PDE10A: variants seen among roughly 807,000 people sequenced by gnomAD.
PDE10A encodes phosphodiesterase 10A, also known as cAMP and cAMP-inhibited cGMP 3',5'-cyclic phosphodiesterase 10A.
A neutral mutation model predicts 97.7 loss-of-function variants in PDE10A; 39 were observed. The observed-to-expected ratio is 0.40, with a 90% confidence interval of 0.31 to 0.52. The LOEUF (loss-of-function observed/expected upper bound fraction) is 0.52. Among genes scored for constraint, PDE10A ranks in the 20% least tolerant of loss-of-function variants. The pLI, the probability that PDE10A is intolerant of heterozygous loss-of-function variation, is 0.56. For missense variants in PDE10A, 731 were observed against 1,047.8 expected, an observed-to-expected ratio of 0.70 and a Z score of 4.17; for synonymous variants, 371 against 376.8, an observed-to-expected ratio of 0.98 and a Z score of 0.18.
At chr6:165,520,487 AG>A (rs921638126) in intron 2 of PDE10A, among the ~76,000 whole-genome samples, 2 of 152,110 alleles carry the variant, frequency 1.3e-5, no homozygotes, top group Admixed American at 1.3e-4. Context: ...ATGATGAAGG[AG>A]AGGGATGGGC....
intron 1 of PDE10A, among the ~76,000 whole-genome samples, chr6:165,719,324 G>T (rs1047145296): frequency 2.0e-5 from 3 of 152,112 alleles, no homozygotes; most frequent in African/African-American, 7.2e-5. Flanking sequence ...TTATCGGCAG[G>T]GATCCAAAAC....
chr6:165,431,048 T>A (rs1437278931), intron 8 of PDE10A, among the ~76,000 whole-genome samples: 1 of 152,138 alleles, frequency 6.6e-6, no homozygotes, highest in African/African-American at 2.4e-5. Flanking sequence ...ATAGATCACT[T>A]AGAGGAAAAT....
At chr6:165,637,754 C>T (rs1409687219) in intron 1 of PDE10A, among the ~76,000 whole-genome samples, 1 of 152,144 alleles carries the variant, frequency 6.6e-6, no homozygotes, top group African/African-American at 2.4e-5. Context: ...ACAGGCGGGG[C>T]GCGTCCTCCC....
intron 1 of PDE10A, among the ~76,000 whole-genome samples, chr6:165,751,888 C>T (rs1229258228): frequency 1.3e-5 from 2 of 151,794 alleles, no homozygotes; most frequent in African/African-American, 2.4e-5. Flanking sequence ...GCCTGTAATC[C>T]CAGCACTTTG....
chr6:165,793,987 C>CA (rs1217298118), intron 1 of PDE10A, among the ~76,000 whole-genome samples: 1 of 152,080 alleles, frequency 6.6e-6, no homozygotes, highest in African/African-American at 2.4e-5. Context: ...ACCAGCCTCA[C>CA]AAAAATTAAT....
chr6:165,820,972 C>T (rs1213967716), intron 1 of PDE10A, among the ~76,000 whole-genome samples: 1 of 152,220 alleles, frequency 6.6e-6, no homozygotes, highest in Admixed American at 6.5e-5. Flanking sequence ...ATTTATAACC[C>T]ATCTTACAAA....
chr6:165,331,405 T>A lies in PDE10A; in HGVS notation c.*1620A>T, dbSNP rs1449046618. ...TTTTAAAATAAGAACAATGTTTATGTAGAGCCAACTTTGCTACAACATAAA... is the reference window on the plus strand; with the variant it reads ...TTTTAAAATAAGAACAATGTTTATGAAGAGCCAACTTTGCTACAACATAAA... On this transcript the variant is annotated 3_prime_UTR_variant, in exon 22 of 22. Transcript: ENST00000539869. 2 of 152,246 alleles carry A rather than the reference T, an allele frequency of 1.3e-5. No individual in the cohort carries two copies. Among genetic ancestry groups the A allele is most frequent in the Non-Finnish European group, 2.9e-5 (2 of 68,036 alleles). 9.4% of individuals were successfully genotyped at this position (152,246 alleles called of 1,614,324 possible).
chr6:165,513,308 A>C (rs1411465165), intron 2 of PDE10A, among the ~76,000 whole-genome samples: 2 of 152,102 alleles, frequency 1.3e-5, no homozygotes, highest in African/African-American at 2.4e-5. Context: ...CTTTCCAAAA[A>C]TCAGTTGTTT....
chr6:165,942,729 T>A (rs1783572132), intron 1 of PDE10A, among the ~76,000 whole-genome samples: 1 of 152,164 alleles, frequency 6.6e-6, no homozygotes, highest in Admixed American at 6.5e-5. Context: ...CCAACCTACA[T>A]AAAGTGCTTT....
intron 3 of PDE10A, among the ~76,000 whole-genome samples, chr6:165,479,295 G>A (rs1388801635): frequency 1.3e-5 from 2 of 152,030 alleles, no homozygotes; most frequent in Admixed American, 6.6e-5. Flanking sequence ...CACTCTTACT[G>A]TGTATACTCT....
At chr6:165,919,090 C>T (rs942966063) in intron 1 of PDE10A, among the ~76,000 whole-genome samples, 1 of 152,190 alleles carries the variant, frequency 6.6e-6, no homozygotes, top group African/African-American at 2.4e-5. Context: ...TCCACACTTA[C>T]CCATGTAATT....
rs180909266 is a variant in PDE10A at position 165,538,840 on chromosome 6, A to T, written c.994+4600T>A. On this transcript the variant is annotated intron_variant, in intron 2 of 21. Transcript: ENST00000539869. ...TATTTAATAATATATACTTTGTACA[A>T]ATACAGACGTGTAAATGTTAAATCA... Among the ~76,000 whole-genome samples the T allele has an allele frequency of 1.2e-3, 183 of 152,302 alleles. 2 individuals are homozygous for T. The highest frequency in any genetic ancestry group is 2.9e-3 in the Admixed American group (45 of 15,296).
At chr6:165,801,862 A>G (rs1778995869) in intron 1 of PDE10A, among the ~76,000 whole-genome samples, 1 of 152,186 alleles carries the variant, frequency 6.6e-6, no homozygotes, top group East Asian at 1.9e-4. Flanking sequence ...CCTACCAATG[A>G]CTGCATGAAA....
At chr6:165,791,642 C>T (rs939553296) in intron 1 of PDE10A, among the ~76,000 whole-genome samples, 5 of 152,180 alleles carry the variant, frequency 3.3e-5, no homozygotes, top group Admixed American at 2.0e-4. Context: ...CGGCTCGTTT[C>T]TAGGGAAGGA....
chr6:165,461,841 T>C (rs1484660793), intron 3 of PDE10A, among the ~76,000 whole-genome samples: 1 of 152,244 alleles, frequency 6.6e-6, no homozygotes, highest in East Asian at 1.9e-4. Flanking sequence ...CTAAAAATAT[T>C]ATCCAACGAT....
intron 1 of PDE10A, among the ~76,000 whole-genome samples, chr6:165,925,358 A>G (rs1163138637): frequency 6.6e-6 from 1 of 152,232 alleles, no homozygotes; most frequent in African/African-American, 2.4e-5. Flanking sequence ...CCATGCACTT[A>G]CCCTAAGACT....
At chr6:165,691,201 CCCCACACA>C (rs1791284702) in intron 1 of PDE10A, among the ~76,000 whole-genome samples, 1 of 24,014 alleles carries the variant, frequency 4.2e-5, no homozygotes, top group South Asian at 1.6e-3. Flanking sequence ...CTCTCTCTCT[CCCCACACA>C]CACACACACA....
intron 1 of PDE10A, among the ~76,000 whole-genome samples, chr6:165,583,430 GTT>G (rs2128357416): frequency 6.6e-6 from 1 of 152,344 alleles, no homozygotes; most frequent in East Asian, 1.9e-4. Context: ...CCTGTAGAAT[GTT>G]GCCTTATGGC....
chr6:165,746,990 G>A (rs1340602999), intron 1 of PDE10A, among the ~76,000 whole-genome samples: 1 of 152,074 alleles, frequency 6.6e-6, no homozygotes, highest in Non-Finnish European at 1.5e-5. Context: ...AATGTTAAAT[G>A]CAAAAAGTTT....
Sources: allele counts gnomAD v4.1 joint callset (sites outside exome capture counted in the v4.1 genomes callset), GRCh38; gene constraint gnomAD v4.1.1; transcripts MANE v1.5; gene names NCBI Gene and HGNC (gene_info 2026-07-23, HGNC 2026-07-21).